OTUD7B: variants seen among roughly 807,000 people sequenced by gnomAD.
The protein encoded by OTUD7B is OTU deubiquitinase 7B, also known as OTU domain-containing protein 7B.
In OTUD7B, 34 loss-of-function variants were observed where a neutral mutation model predicts 82.2. That is an observed-to-expected ratio of 0.41 (90% confidence interval 0.31 to 0.55). The LOEUF is 0.55. OTUD7B is among the 20% of genes least tolerant of loss of function. OTUD7B has a pLI of 0.20. For synonymous variants in OTUD7B, 398 were observed against 402.7 expected, an observed-to-expected ratio of 0.99 and a Z score of 0.14; for missense variants, 944 against 1,062.1, an observed-to-expected ratio of 0.89 and a Z score of 1.55.
At chr1:150,013,360 A>C (rs1653155343), upstream of OTUD7B, among the ~76,000 whole-genome samples, 1 of 152,214 alleles carries the variant, frequency 6.6e-6, no homozygotes, top group Non-Finnish European at 1.5e-5. Flanking sequence ...AGACTATTTC[A>C]ATACTGGGGC....
the OTUD7B span, among the ~76,000 whole-genome samples, chr1:150,042,006 T>A: frequency 6.6e-6 from 1 of 152,080 alleles, no homozygotes; most frequent in African/African-American, 2.4e-5. Context: ...TAATTTCCAT[T>A]TTGATTTACC....
intron 1 of OTUD7B, among the ~76,000 whole-genome samples, chr1:149,981,113 G>T (rs868995266): frequency 3.7e-4 from 56 of 151,524 alleles, no homozygotes; most frequent in Non-Finnish European, 5.4e-4. Context: ...GGAAGAGGAG[G>T]AGGAGGGGGA....
intron 7 of OTUD7B, among the ~76,000 whole-genome samples, chr1:149,950,925 G>A (rs186217532): frequency 5.8e-4 from 85 of 147,470 alleles, no homozygotes; most frequent in Non-Finnish European, 5.5e-4. Flanking sequence ...CCGAGTAGCC[G>A]GGACTACAGG....
At chr1:149,957,297 T>C (rs1462265986) in intron 7 of OTUD7B, among the ~76,000 whole-genome samples, 1 of 151,614 alleles carries the variant, frequency 6.6e-6, no homozygotes, top group Non-Finnish European at 1.5e-5. Flanking sequence ...TTGCTGGAGG[T>C]CCACTCCAGA....
the OTUD7B span, among the ~76,000 whole-genome samples, chr1:150,037,808 A>G: frequency 1.3e-5 from 2 of 152,172 alleles, no homozygotes; most frequent in African/African-American, 4.8e-5. Flanking sequence ...TATCTTTTAA[A>G]TAAAATATTT....
At chr1:149,976,514 G>A (rs1271951291) in intron 2 of OTUD7B, among the ~76,000 whole-genome samples, 1 of 149,738 alleles carries the variant, frequency 6.7e-6, no homozygotes, top group Non-Finnish European at 1.5e-5. Flanking sequence ...CGGAGGCTGA[G>A]GCAGGAGAAT....
Position 149,943,776 on chromosome 1 carries a change from A to G in OTUD7B, c.*81T>C. On this transcript the variant is annotated 3_prime_UTR_variant, in exon 12 of 12. Transcript: ENST00000581312. ...AAACATTACTGCATTTTCCCCCTCA[A>G]CATGGGGACTGTGTTCTTGATGAGC... The G allele has an allele frequency of 2.9e-6, 4 of 1,378,376 alleles. No homozygotes were observed. The Admixed American group carries it at 5.5e-5, about 19-fold the overall frequency. The allele number at this position is 1,378,376 out of a possible 1,614,324, so 85.4% of individuals were successfully genotyped here.
intron 1 of OTUD7B, among the ~76,000 whole-genome samples, chr1:150,003,401 T>G (rs1176543564): frequency 3.9e-5 from 6 of 152,174 alleles, no homozygotes; most frequent in African/African-American, 1.4e-4. Flanking sequence ...GTTCATGGTA[T>G]TTTCTCAGAC....
chr1:150,015,493 A>G (rs1653241270), upstream of OTUD7B, among the ~76,000 whole-genome samples: 1 of 151,488 alleles, frequency 6.6e-6, no homozygotes, highest in South Asian at 2.1e-4. Flanking sequence ...GTTGGCCAGG[A>G]TGGTCTTGAA....
At chr1:150,042,388 G>A in the OTUD7B span, among the ~76,000 whole-genome samples, 4 of 151,674 alleles carry the variant, frequency 2.6e-5, no homozygotes, top group Admixed American at 6.6e-5. Flanking sequence ...GGCCAGGCTG[G>A]TCTCGAGCTC....
intron 1 of OTUD7B, among the ~76,000 whole-genome samples, chr1:150,006,866 G>A (rs868947758): frequency 2.0e-5 from 3 of 152,188 alleles, no homozygotes; most frequent in African/African-American, 7.2e-5. Flanking sequence ...AGGTTAGGAT[G>A]GTACAGAAAA....
chr1:150,000,520 G>T (rs1399434157), intron 1 of OTUD7B, among the ~76,000 whole-genome samples: 2 of 151,766 alleles, frequency 1.3e-5, no homozygotes, highest in Non-Finnish European at 2.9e-5. Flanking sequence ...CAGGACAAGT[G>T]GGGAGGGCAA....
intron 11 of OTUD7B, among the ~76,000 whole-genome samples, chr1:149,947,042 G>C (rs1267484779): frequency 2.0e-5 from 3 of 152,184 alleles, no homozygotes; most frequent in Non-Finnish European, 4.4e-5. Context: ...GACAGAACAA[G>C]ACTCCATCTC....
At chr1:150,035,208 C>G in the OTUD7B span, among the ~76,000 whole-genome samples, 1 of 151,344 alleles carries the variant, frequency 6.6e-6, no homozygotes, top group Non-Finnish European at 1.5e-5. Flanking sequence ...CTGATTTTAA[C>G]AGCTTTTTTC....
At chr1:150,013,313 C>G (rs1460808365), upstream of OTUD7B, among the ~76,000 whole-genome samples, 1 of 152,072 alleles carries the variant, frequency 6.6e-6, no homozygotes, top group Non-Finnish European at 1.5e-5. Context: ...AGCAGAAAAA[C>G]CAGAGCTTTG....
intron 1 of OTUD7B, among the ~76,000 whole-genome samples, chr1:150,001,609 A>G (rs1652289918): frequency 6.6e-6 from 1 of 152,240 alleles, no homozygotes; most frequent in South Asian, 2.1e-4. Flanking sequence ...ACAGGAATTC[A>G]GATAAGTACT....
chr1:150,032,237 G>A, the OTUD7B span, among the ~76,000 whole-genome samples: 32 of 151,660 alleles, frequency 2.1e-4, 1 homozygote, highest in South Asian at 2.1e-4. Flanking sequence ...GCTTGAACCC[G>A]GGAGGCGGAG....
At chr1:150,055,991 G>A in the OTUD7B span, among the ~76,000 whole-genome samples, 1 of 151,872 alleles carries the variant, frequency 6.6e-6, no homozygotes, top group Non-Finnish European at 1.5e-5. Flanking sequence ...TGTGACATGG[G>A]TTTATCTATA....
rs782314227 is a variant in OTUD7B, at chr1:149,943,887, C to T, written c.2502G>A (p.Pro834=). ...REELRRRERE[P]DGELLVHRF is the part of the protein sequence containing the mutation. ...ACCTGTGCACCAGGAGCTCCCCATC[C>T]GGTTCCCGCTCCCTCCTCCTCAGTT... The change falls in exon 12 of 12, where the codon CCG becomes CCA. Residue 834 remains proline, a synonymous_variant. Coordinates refer to ENST00000581312, the MANE Select transcript of OTUD7B (RefSeq NM_020205.4). The T allele has an allele frequency of 7.4e-6, 12 of 1,614,106 alleles. No individual in the cohort carries two copies. The highest frequency in any genetic ancestry group is 2.2e-5 in the East Asian group (1 of 44,900).
Sources: allele counts gnomAD v4.1 joint callset (sites outside exome capture counted in the v4.1 genomes callset), GRCh38; gene constraint gnomAD v4.1.1; transcripts MANE v1.5; gene names NCBI Gene and HGNC (gene_info 2026-07-23, HGNC 2026-07-21).